The following MUS81 variants were observed in gnomAD, a reference collection of about 807,000 sequenced individuals.
The protein encoded by MUS81 is MUS81 structure-specific endonuclease subunit.
MUS81 carries 69 observed loss-of-function variants against 74.2 expected under a neutral mutation model. The observed-to-expected ratio is 0.93, with a 90% CI of 0.77 to 1.14. The LOEUF is 1.14. MUS81 is among the 50% of genes most tolerant of loss of function. The probability of loss-of-function intolerance (pLI) is 0.00; values close to 1 mark genes in which losing one functional copy is unlikely to be tolerated. For missense variants in MUS81, 711 were observed against 726.5 expected, an observed-to-expected ratio of 0.98 and a Z score of 0.25; for synonymous variants, 303 against 300.6, an observed-to-expected ratio of 1.01 and a Z score of -0.08.
intron 6 of MUS81, 127 bp downstream of exon 6, chr11:65,862,656 C>T (rs1203548151): frequency 3.4e-6 from 3 of 892,772 alleles, no homozygotes; most frequent in Admixed American, 4.3e-5. Context: ...CTCAGGAGCC[C>T]CCACTGTTGG....
chr11:65,864,640 G>A (rs757404883), intron 11 of MUS81, 27 bp downstream of exon 11: 5 of 1,612,992 alleles, frequency 3.1e-6, no homozygotes, highest in Middle Eastern at 3.3e-4. Context: ...GGGCCAGGCA[G>A]GCAGGCAGGG....
Position 65,865,718 on chromosome 11 carries a change from C to T in MUS81, c.1506-93C>T, listed in dbSNP as rs1859802899. On this transcript the variant is annotated intron_variant, in intron 14 of 15. Transcript: ENST00000308110. Reference sequence around the variant, plus strand: ...GAAGTGGGGCAGTGTCCCAACTCTTCCATCCCATGCTGACCCCTCTGCCTG... The same window carrying T: ...GAAGTGGGGCAGTGTCCCAACTCTTTCATCCCATGCTGACCCCTCTGCCTG... 7.8e-6 allele frequency: 10 copies of T among 1,286,690 alleles called. No individual in the cohort carries two copies. In the African/African-American group the frequency reaches 1.3e-4, roughly 17 times the overall value. The allele number at this position is 1,286,690 out of a possible 1,614,324, so 79.7% of individuals were successfully genotyped here.
At chr11:65,864,874 T>C in intron 12 of MUS81, 59 bp downstream of exon 12, 1 of 1,583,616 alleles carries the variant, frequency 6.3e-7, no homozygotes, top group South Asian at 1.1e-5. Context: ...TCACCTTGCC[T>C]GGGCCCTGTG....
chr11:65,865,808 C>T lies in MUS81; in HGVS notation c.1506-3C>T, dbSNP rs1859807059. 1 of 1,613,810 alleles carries T rather than the reference C, an allele frequency of 6.2e-7. No individual in the cohort carries two copies. The highest frequency in any genetic ancestry group is 8.5e-7 in the Non-Finnish European group (1 of 1,179,958). On this transcript the variant is annotated splice_region_variant and splice_polypyrimidine_tract_variant and intron_variant, in intron 14 of 15. Coordinates refer to ENST00000308110, the MANE Select transcript of MUS81 (RefSeq NM_025128.5). ...CTCAGAAACTCAAACCCCTGCCCCC[C>T]AGCCTCCTGGCCGCCTATGATGCCT...
chr11:65,861,299 C>G (rs764939751), intron 2 of MUS81, 51 bp from the exon 3 acceptor site: 1 of 1,553,084 alleles, frequency 6.4e-7, no homozygotes, highest in Admixed American at 1.9e-5. Flanking sequence ...CCCAGATCCT[C>G]GCAGCTGCCG....
chr11:65,863,580 T>G lies in MUS81; in HGVS notation c.840-20T>G. On this transcript the variant is annotated intron_variant, in intron 8 of 15. Coordinates refer to ENST00000308110, the MANE Select transcript of MUS81 (RefSeq NM_025128.5). ...GGCACTGCCCTGCTCTGATCTAGGC[T>G]TCCCTCCTTGCCACTCCAGGGGCGG... is the stretch of plus-strand genomic sequence containing the variant. The G allele has an allele frequency of 1.2e-6, 2 of 1,613,976 alleles. No individual in the cohort carries two copies. Among genetic ancestry groups the G allele is most frequent in the Non-Finnish European group, 8.5e-7 (1 of 1,179,964 alleles).
Position 65,863,807 on chromosome 11 carries a change from ACC to A in MUS81, c.967_968del (p.Pro323TrpfsTer16). On this transcript the variant is annotated frameshift_variant, in exon 10 of 16. Coordinates refer to ENST00000308110, the MANE Select transcript of MUS81 (RefSeq NM_025128.5). LOFTEE classifies it high-confidence loss of function. The stretch of plus-strand genomic sequence containing the variant: ...CTAACGGCTGGCTTGTCAGCAGCAA[ACC>A]CTGGGGAGTTGGTACTGGATCACAT... 1 of 1,613,886 alleles carries A rather than the reference ACC, an allele frequency of 6.2e-7. No homozygotes were observed. The highest frequency in any genetic ancestry group is 8.5e-7 in the Non-Finnish European group (1 of 1,179,878).
intron 3 of MUS81, 127 bp downstream of exon 3, chr11:65,861,562 A>T (rs1440378888): frequency 5.5e-6 from 4 of 722,814 alleles, no homozygotes; most frequent in Non-Finnish European, 9.0e-6. Context: ...CAAATGACTT[A>T]TCCTCTTTTC....
Position 65,865,327 on chromosome 11 carries a change from G to T in MUS81, c.1505+4G>T. ...ATCGATACAGCACCCCTGCCAGGTA[G>T]GCCCTAAAGGGCCCTTAGGTGTCCT... On this transcript the variant is annotated splice_donor_region_variant and intron_variant, in intron 14 of 15. Coordinates refer to ENST00000308110, the MANE Select transcript of MUS81 (RefSeq NM_025128.5). The T allele has an allele frequency of 6.2e-7, 1 of 1,612,278 alleles. No individual in the cohort carries two copies. The highest frequency in any genetic ancestry group is 8.5e-7 in the Non-Finnish European group (1 of 1,178,978).
rs1353934256 is a variant in MUS81 at position 65,864,560 on chromosome 11, C to T, written c.1123C>T (p.His375Tyr). 6.2e-7 allele frequency: 1 copy of T among 1,614,202 alleles called. No individual in the cohort carries two copies. The highest frequency in any genetic ancestry group is 1.1e-5 in the South Asian group (1 of 91,090). Residue 375 changes from histidine (H) to tyrosine (Y), a missense_variant, in exon 11 of 16, where the codon CAC becomes TAC. Physicochemically the swap from His to Tyr is moderately conservative, Grantham distance 83. Transcript: ENST00000308110. ...VYLVEEHGSVHNLSLPESTLL... is the reference protein window; with the variant it reads ...VYLVEEHGSVYNLSLPESTLL... The stretch of plus-strand genomic sequence containing the variant: ...CCTGGTGGAAGAGCATGGTTCCGTC[C>T]ACAACCTCAGCCTTCCTGAGAGCAC...
rs971126657 is a variant in MUS81, at chr11:65,863,647, T to G, written c.887T>G (p.Val296Gly). 2.5e-6 allele frequency: 4 copies of G among 1,613,932 alleles called. No homozygotes were observed. The highest frequency in any genetic ancestry group is 3.4e-6 in the Non-Finnish European group (4 of 1,179,958). The stretch of plus-strand genomic sequence containing the variant: ...CTCCGAGAGCTACAGCGGCTGCACG[T>G]GACCCACACGGTGCGCAAGCTGCAC... ...ELLRELQRLH[V>G]THTVRKLHVG... The change falls in exon 9 of 16, where the codon GTG (valine) becomes GGG (glycine). Residue 296 changes from valine (V) to glycine (G), a missense_variant. By Grantham distance (109) the Val-to-Gly change is moderately radical (BLOSUM62 -3). Coordinates refer to ENST00000308110, the MANE Select transcript of MUS81 (RefSeq NM_025128.5).
intron 12 of MUS81, 62 bp from the exon 13 acceptor site, chr11:65,864,955 C>A: frequency 6.2e-7 from 1 of 1,602,600 alleles, no homozygotes; most frequent in Non-Finnish European, 8.5e-7. Context: ...GAGGACTGGG[C>A]AGGGGCTGGC....
At position 65,866,140 on chromosome 11, in the gene MUS81, A is replaced by G. The variant is rs1859827927; in HGVS notation, c.*88A>G. ...TAACAACATCTTTTGGGGTACAATT[A>G]GAATCTAAGTGTTTGCAGCCATATG... On this transcript the variant is annotated 3_prime_UTR_variant, in exon 16 of 16. Coordinates refer to ENST00000308110, the MANE Select transcript of MUS81 (RefSeq NM_025128.5). 1 of 1,309,212 alleles carries G rather than the reference A, an allele frequency of 7.6e-7. No homozygotes were observed. The highest frequency in any genetic ancestry group is 1.1e-6 in the Non-Finnish European group (1 of 939,788). The allele number at this position is 1,309,212 out of a possible 1,614,324, so 81.1% of individuals were successfully genotyped here. A position where few individuals can be genotyped will look rare whatever the true frequency, so the allele number is the denominator to read the frequency against.
downstream of MUS81, chr11:65,867,220 CTCTT>C: frequency 1.1e-6 from 1 of 919,290 alleles, no homozygotes; most frequent in East Asian, 2.6e-5. Flanking sequence ...TCTCATGCAG[CTCTT>C]TGACACCCTC....
At chr11:65,863,299 T>TGTGGCTGCCTCCCTACTGTGGGTGGGTG in intron 7 of MUS81, 94 bp downstream of exon 7, 1 of 1,579,976 alleles carries the variant, frequency 6.3e-7, no homozygotes, top group Non-Finnish European at 8.6e-7. Flanking sequence ...GCAGCTGAAC[T>TGTGGCTGCCTCCCTACTGTGGGTGGGTG]GTGGCTGCCT....
At position 65,864,590 on chromosome 11, in the gene MUS81, C is replaced by T. The variant is rs1859743441; in HGVS notation, c.1153C>T (p.Leu385=). 8 of 1,614,016 alleles carry T rather than the reference C, an allele frequency of 5.0e-6. No individual in the cohort carries two copies. The highest frequency in any genetic ancestry group is 4.2e-6 in the Non-Finnish European group (5 of 1,180,006). ...CCTCAGCCTTCCTGAGAGCACACTG[C>T]TGCAGGCTGTCACCAACACTCAGGT... is the stretch of plus-strand genomic sequence containing the variant. ...HNLSLPESTL[L]QAVTNTQVID... Residue 385 remains leucine, a synonymous_variant, in exon 11 of 16, where the codon CTG becomes TTG. Transcript: ENST00000308110.
chr11:65,865,961 AC>A (rs776803282), intron 15 of MUS81, 24 bp from the exon 16 acceptor site: 1 of 1,613,808 alleles, frequency 6.2e-7, no homozygotes, highest in East Asian at 2.2e-5. Flanking sequence ...CCAGGGCGTG[AC>A]CCTCGCTGCC....
Position 65,863,423 on chromosome 11 carries a change from G to A in MUS81, c.760G>A (p.Gly254Arg). 1.2e-6 allele frequency: 2 copies of A among 1,614,164 alleles called. No homozygotes were observed. The highest frequency in any genetic ancestry group is 1.3e-5 in the African/African-American group (1 of 75,042). The change falls in exon 8 of 16, where the codon GGG becomes AGG. Residue 254 changes from glycine (G) to arginine (R), a missense_variant. Gly to Arg is a moderately radical substitution (Grantham distance 125). Transcript: ENST00000308110. ...AASAELASEA[G>R]VQQQPLELRP... ...CCCCCCACTTAGTGCCAGTGAAGCA[G>A]GGGTCCAGCAGCAGCCACTGGAGCT...
In MUS81 at chr11:65,861,085, G is replaced by A; in HGVS notation, c.248G>A (p.Arg83Gln). ...LCRMLDERLQ[R>Q]HRTSGGDHAP... The stretch of plus-strand genomic sequence containing the variant: ...CGGATGCTGGACGAGCGGCTGCAGC[G>A]GCACCGAACATCGGGCGGTGAGCGC... The change falls in exon 2 of 16, where the codon CGG becomes CAG. Residue 83 changes from arginine to glutamine, a missense_variant. Coordinates refer to ENST00000308110, the MANE Select transcript of MUS81 (RefSeq NM_025128.5). 1.9e-6 allele frequency: 3 copies of A among 1,612,590 alleles called. 1 individual carries two copies. In the South Asian group the frequency reaches 3.3e-5, roughly 18 times the overall value.
Sources: allele counts gnomAD v4.1 joint callset, GRCh38; gene constraint gnomAD v4.1.1; transcripts MANE v1.5; gene names NCBI Gene and HGNC (gene_info 2026-07-23, HGNC 2026-07-21).